INPP4B: variants seen among roughly 807,000 people sequenced by gnomAD.
INPP4B encodes inositol polyphosphate 4-phosphatase type II.
Under a neutral mutation model 122.5 loss-of-function variants are expected in INPP4B, and 55 were observed. The observed-to-expected ratio is 0.45, with a 90% CI of 0.36 to 0.56. The LOEUF (loss-of-function observed/expected upper bound fraction) is 0.56. Ranked by LOEUF, INPP4B falls within the 20% of genes least tolerant of loss-of-function variation. The pLI, the probability that INPP4B is intolerant of heterozygous loss-of-function variation, is 0.00. For synonymous variants in INPP4B, 403 were observed against 388.7 expected (o/e 1.04, Z -0.43); for missense variants, 1,000 against 1,097.7 (o/e 0.91, Z 1.26).
chr4:142,694,627 C>G (rs544263331), intron 2 of INPP4B, among the ~76,000 whole-genome samples: 1 of 152,148 alleles, frequency 6.6e-6, no homozygotes, highest in African/African-American at 2.4e-5. Context: ...GTTTTGGAGG[C>G]ATTTGATTCT....
chr4:142,696,477 A>G lies in INPP4B; in HGVS notation c.-191+29362T>C, dbSNP rs1355750291. 2.0e-5 allele frequency among the ~76,000 whole-genome samples: 3 copies of G among 152,318 alleles called. No homozygotes were observed. In the East Asian group the frequency reaches 5.8e-4, roughly 29 times the overall value. ...AAGGCACTAACTGACCCAGGCTGTA[A>G]TTCTGTGGTACAGATACTCCCTTTC... is the stretch of plus-strand genomic sequence containing the variant. On this transcript the variant is annotated intron_variant, in intron 2 of 25. Coordinates refer to ENST00000262992, the MANE Select transcript of INPP4B (RefSeq NM_001101669.3).
chr4:142,513,181 C>T (rs569395172), intron 2 of INPP4B, among the ~76,000 whole-genome samples: 19 of 152,254 alleles, frequency 1.2e-4, no homozygotes, highest in African/African-American at 4.3e-4. Context: ...CTAGATTCTG[C>T]GGACACTGAA....
chr4:142,034,601 C>G (rs936693659), intron 25 of INPP4B, among the ~76,000 whole-genome samples: 1 of 152,092 alleles, frequency 6.6e-6, no homozygotes, highest in Non-Finnish European at 1.5e-5. Flanking sequence ...CCAGGCTCAC[C>G]ACTGCCACCC....
In INPP4B at chr4:142,024,157, T is replaced by G. The variant is rs2152239662; in HGVS notation, c.*4625A>C. 1 of 152,282 alleles carries G rather than the reference T, an allele frequency of 6.6e-6. No homozygotes were observed. The highest frequency in any genetic ancestry group is 1.5e-5 in the Non-Finnish European group (1 of 68,004). 9.4% of individuals were successfully genotyped at this position (152,282 alleles called of 1,614,324 possible). A position where few individuals can be genotyped will look rare whatever the true frequency, so the allele number is the denominator to read the frequency against. ...GGCTTGCAATATTTTATCTAAAACA[T>G]TCATTTTATTTTCCAATTCTTAAAG... On this transcript the variant is annotated 3_prime_UTR_variant, in exon 26 of 26. Transcript: ENST00000262992.
intron 1 of INPP4B, among the ~76,000 whole-genome samples, chr4:142,824,372 C>T (rs147032134): frequency 2.2e-3 from 324 of 145,422 alleles, no homozygotes; most frequent in Admixed American, 6.4e-3. Flanking sequence ...CTCTGGAGAA[C>T]CCAGGCCAAA....
At position 142,353,769 on chromosome 4, in the gene INPP4B, T is replaced by C. The variant is rs114859227; in HGVS notation, c.373-39007A>G. 9.9e-3 allele frequency among the ~76,000 whole-genome samples: 1,507 copies of C among 152,118 alleles called. 24 individuals carry two copies. Among genetic ancestry groups the C allele is most frequent in the African/African-American group, 0.035 (1,444 of 41,534 alleles). On this transcript the variant is annotated intron_variant, in intron 7 of 25. Transcript: ENST00000262992. ...CCCAAGATCTTTCTCTAATTTCTAA[T>C]AGCATTTGCAAATAGTATAGAGTTT...
intron 6 of INPP4B, 83 bp downstream of exon 6, chr4:142,405,123 G>GGGGT: frequency 1.4e-6 from 1 of 699,060 alleles, no homozygotes; most frequent in Non-Finnish European, 2.5e-6. Context: ...GGGGGTGGGG[G>GGGGT]GGAGGGAGAG....
chr4:142,690,922 C>G (rs1331665949), intron 2 of INPP4B, among the ~76,000 whole-genome samples: 2 of 152,032 alleles, frequency 1.3e-5, no homozygotes, highest in Non-Finnish European at 2.9e-5. Flanking sequence ...AAATGCATAC[C>G]CAGAAGCTGA....
At chr4:142,380,613 ATCTT>A (rs1332984812) in intron 7 of INPP4B, among the ~76,000 whole-genome samples, 1 of 152,110 alleles carries the variant, frequency 6.6e-6, no homozygotes, top group East Asian at 1.9e-4. Flanking sequence ...AAATAATAAA[ATCTT>A]TCAGAAAGGC....
chr4:142,792,401 G>A (rs1047958599), intron 1 of INPP4B, among the ~76,000 whole-genome samples: 1 of 151,728 alleles, frequency 6.6e-6, no homozygotes, highest in South Asian at 2.1e-4. Context: ...ACACAGCAAA[G>A]GTTCATTTTG....
chr4:142,552,442 C>T (rs75046568), intron 2 of INPP4B, among the ~76,000 whole-genome samples: 1 of 148,488 alleles, frequency 6.7e-6, no homozygotes, highest in Non-Finnish European at 1.5e-5. Flanking sequence ...AAAAAAAAAA[C>T]AAAAAGAAGA....
intron 1 of INPP4B, among the ~76,000 whole-genome samples, chr4:142,838,207 T>C (rs981072221): frequency 1.3e-5 from 2 of 152,040 alleles, no homozygotes; most frequent in African/African-American, 2.4e-5. Context: ...TCTAAACTTA[T>C]ATGAAAGAAT....
intron 2 of INPP4B, among the ~76,000 whole-genome samples, chr4:142,475,464 C>T (rs571237793): frequency 6.6e-6 from 1 of 152,052 alleles, no homozygotes; most frequent in African/African-American, 2.4e-5. Context: ...AACCATACTA[C>T]TTACCCAGAA....
At chr4:142,199,718 C>G (rs1471047167) in intron 14 of INPP4B, among the ~76,000 whole-genome samples, 1 of 151,916 alleles carries the variant, frequency 6.6e-6, no homozygotes, top group African/African-American at 2.4e-5. Context: ...GTAGAATGTT[C>G]CTCAGCTTGG....
chr4:142,599,123 T>C (rs1425793398), intron 2 of INPP4B, among the ~76,000 whole-genome samples: 1 of 152,162 alleles, frequency 6.6e-6, no homozygotes, highest in East Asian at 1.9e-4. Flanking sequence ...ACCCAGTTGA[T>C]CATCTTGCCA....
At chr4:142,548,789 A>G (rs1727297377) in intron 2 of INPP4B, among the ~76,000 whole-genome samples, 1 of 151,844 alleles carries the variant, frequency 6.6e-6, no homozygotes, top group Admixed American at 6.6e-5. Flanking sequence ...ACATATATAT[A>G]TATTAATTTA....
At chr4:142,556,095 T>C (rs568066884) in intron 2 of INPP4B, among the ~76,000 whole-genome samples, 1 of 152,234 alleles carries the variant, frequency 6.6e-6, no homozygotes, top group African/African-American at 2.4e-5. Context: ...GGCTCAGAAC[T>C]TCATTGTGTT....
At chr4:142,438,926 A>G (rs1268480644) in intron 3 of INPP4B, among the ~76,000 whole-genome samples, 1 of 152,220 alleles carries the variant, frequency 6.6e-6, no homozygotes, top group African/African-American at 2.4e-5. Context: ...GCCTAAAACA[A>G]TTATTTATAA....
At chr4:142,819,090 A>G (rs1237728297) in intron 1 of INPP4B, among the ~76,000 whole-genome samples, 1 of 152,154 alleles carries the variant, frequency 6.6e-6, no homozygotes, top group East Asian at 1.9e-4. Context: ...TTTACCCTAG[A>G]AGGAAGAGAA....
Sources: allele counts gnomAD v4.1 joint callset (sites outside exome capture counted in the v4.1 genomes callset), GRCh38; gene constraint gnomAD v4.1.1; transcripts MANE v1.5; gene names NCBI Gene and HGNC (gene_info 2026-07-23, HGNC 2026-07-21).